Variants in FRMD5 observed in about 807,000 individuals in gnomAD.
The protein encoded by FRMD5 is FERM domain containing 5.
FRMD5 carries 20 observed loss-of-function variants against 69.0 expected under a neutral mutation model. The observed-to-expected ratio is 0.29, with a 90% CI of 0.20 to 0.42. The LOEUF (loss-of-function observed/expected upper bound fraction) is 0.42, where lower values mean the gene tolerates loss of function less well. FRMD5 is among the 10% of genes least tolerant of loss of function. The pLI, the probability that FRMD5 is intolerant of heterozygous loss-of-function variation, is 1.00. For synonymous variants in FRMD5, 271 were observed against 260.1 expected (o/e 1.04, Z -0.40); for missense variants, 595 against 708.6 (o/e 0.84, Z 1.82).
At chr15:44,026,114 A>T (rs1891418004) in intron 1 of FRMD5, among the ~76,000 whole-genome samples, 2 of 152,072 alleles carry the variant, frequency 1.3e-5, no homozygotes, top group African/African-American at 4.8e-5. Flanking sequence ...AGTAGCTGGG[A>T]CTACAGGCAT....
At chr15:44,155,163 G>C (rs941138401) in intron 1 of FRMD5, among the ~76,000 whole-genome samples, 2 of 152,086 alleles carry the variant, frequency 1.3e-5, no homozygotes, top group African/African-American at 4.8e-5. Context: ...GGCCAGGCAC[G>C]GTGGCTCACA....
intron 1 of FRMD5, among the ~76,000 whole-genome samples, chr15:44,149,396 CA>C (rs1253112385): frequency 6.6e-6 from 1 of 151,826 alleles, no homozygotes; most frequent in Non-Finnish European, 1.5e-5. Flanking sequence ...AAACAAACAA[CA>C]AAATGACAAA....
intron 7 of FRMD5, among the ~76,000 whole-genome samples, chr15:43,901,461 C>T (rs890522938): frequency 1.3e-5 from 2 of 152,218 alleles, no homozygotes; most frequent in African/African-American, 2.4e-5. Context: ...ACTGGTGATA[C>T]TGGACCCTCT....
intron 1 of FRMD5, among the ~76,000 whole-genome samples, chr15:43,930,363 G>A (rs1035574327): frequency 1.3e-5 from 2 of 152,182 alleles, no homozygotes; most frequent in Admixed American, 6.5e-5. Flanking sequence ...CCACAAATGT[G>A]GCAGGGCCAT....
chr15:43,916,052 C>T (rs558035876), intron 4 of FRMD5, among the ~76,000 whole-genome samples: 6 of 152,156 alleles, frequency 3.9e-5, no homozygotes, highest in East Asian at 1.9e-4. Flanking sequence ...GCCCAGGCAC[C>T]GGTGGTTCAC....
intron 1 of FRMD5, among the ~76,000 whole-genome samples, chr15:43,970,815 T>C (rs994050199): frequency 6.6e-6 from 1 of 152,138 alleles, no homozygotes; most frequent in Non-Finnish European, 1.5e-5. Flanking sequence ...GACGTCTTTT[T>C]CTCCAGCAGA....
chr15:44,148,406 G>A (rs2077389854), intron 1 of FRMD5, among the ~76,000 whole-genome samples: 1 of 151,798 alleles, frequency 6.6e-6, no homozygotes, highest in Non-Finnish European at 1.5e-5. Flanking sequence ...CGAGTAGCTG[G>A]GACTACAGGC....
intron 1 of FRMD5, chr15:43,988,980 A>T (rs1889533339): frequency 1.3e-5 from 9 of 679,388 alleles, no homozygotes; most frequent in Non-Finnish European, 2.2e-5. Context: ...AAAAAAACAA[A>T]GTCATGCCAA....
chr15:43,877,292 G>A (rs2088389850), intron 13 of FRMD5, among the ~76,000 whole-genome samples: 1 of 152,224 alleles, frequency 6.6e-6, no homozygotes, highest in Non-Finnish European at 1.5e-5. Context: ...AGGTTGATTA[G>A]GGAGTTTTTT....
At chr15:44,058,804 A>G (rs887507529) in intron 1 of FRMD5, among the ~76,000 whole-genome samples, 1 of 151,624 alleles carries the variant, frequency 6.6e-6, no homozygotes. Flanking sequence ...AAAAAAAAGA[A>G]GAAGAAGAAG....
intron 1 of FRMD5, among the ~76,000 whole-genome samples, chr15:43,964,694 C>T (rs1358120176): frequency 1.3e-5 from 2 of 152,090 alleles, no homozygotes; most frequent in Non-Finnish European, 1.5e-5. Flanking sequence ...ACCTAAAAGC[C>T]AATTCCAGAT....
chr15:43,910,572 C>CAAAAAAAAAA (rs1167867396), intron 4 of FRMD5, among the ~76,000 whole-genome samples: 11 of 40,362 alleles, frequency 2.7e-4, no homozygotes, highest in South Asian at 9.7e-4. Context: ...GACCTTGTCT[C>CAAAAAAAAAA]AAAAAAAAAA....
intron 1 of FRMD5, among the ~76,000 whole-genome samples, chr15:44,067,763 C>T (rs920503132): frequency 4.6e-5 from 7 of 152,084 alleles, no homozygotes; most frequent in Non-Finnish European, 1.0e-4. Flanking sequence ...AACATTCAGA[C>T]CATAGCAGAC....
At chr15:43,976,735 C>T (rs2090468816) in intron 1 of FRMD5, among the ~76,000 whole-genome samples, 1 of 152,124 alleles carries the variant, frequency 6.6e-6, no homozygotes, top group South Asian at 2.1e-4. Context: ...GGTGCGATCT[C>T]GGCTCACTGC....
At chr15:44,138,320 T>A (rs987730114) in intron 1 of FRMD5, among the ~76,000 whole-genome samples, 6 of 152,154 alleles carry the variant, frequency 3.9e-5, no homozygotes, top group Non-Finnish European at 8.8e-5. Flanking sequence ...AGATTCAAAG[T>A]GCAATCTCAG....
chr15:44,190,018 C>T (rs997606111), intron 1 of FRMD5, among the ~76,000 whole-genome samples: 1 of 152,100 alleles, frequency 6.6e-6, no homozygotes, highest in Non-Finnish European at 1.5e-5. Context: ...AAGTCAAGAC[C>T]AGAAAACAGG....
At chr15:44,085,755 G>C (rs1894172173) in intron 1 of FRMD5, among the ~76,000 whole-genome samples, 2 of 152,162 alleles carry the variant, frequency 1.3e-5, no homozygotes, top group African/African-American at 4.8e-5. Flanking sequence ...GAGGAAGAGA[G>C]ACAAGTTAAA....
intron 1 of FRMD5, among the ~76,000 whole-genome samples, chr15:44,022,325 CA>C (rs1175838230): frequency 1.3e-5 from 2 of 150,690 alleles, no homozygotes; most frequent in Admixed American, 1.3e-4. Context: ...AGCACTTTGG[CA>C]GGATGAGATT....
Position 44,145,584 on chromosome 15 carries a change from G to A in FRMD5, c.102+49369C>T, listed in dbSNP as rs1324406373. 3.9e-5 allele frequency among the ~76,000 whole-genome samples: 6 copies of A among 152,112 alleles called. No individual in the cohort carries two copies. In the East Asian group the frequency reaches 5.8e-4, roughly 15 times the overall value. ...AACACAAAATTTGGAAGTAAAATCC[G>A]TTTTGGTGTAAAACTCATTTTGAAC... On this transcript the variant is annotated intron_variant, in intron 1 of 13. Transcript: ENST00000417257.
Sources: gnomAD v4.1 joint callset for allele counts (sites outside exome capture counted in the v4.1 genomes callset) on GRCh38, gnomAD v4.1.1 for gene constraint, MANE v1.5 for transcripts, NCBI Gene and HGNC (gene_info 2026-07-23, HGNC 2026-07-21) for gene names.